Variants in STRN observed in about 807,000 individuals in gnomAD.
STRN encodes the protein protein phosphatase 2 regulatory subunit B'''alpha.
Under a neutral mutation model 96.3 loss-of-function variants are expected in STRN, and 53 were observed. The observed-to-expected ratio is 0.55, with a 90% CI of 0.44 to 0.69. STRN has a LOEUF of 0.69. STRN is among the 30% of genes least tolerant of loss of function. STRN has a pLI of 0.00. For synonymous variants in STRN, 428 were observed against 355.9 expected (o/e 1.20, Z -2.28); for missense variants, 987 against 963.9 (o/e 1.02, Z -0.32).
intron 11 of STRN, among the ~76,000 whole-genome samples, chr2:36,868,518 G>T (rs1572633975): frequency 6.6e-6 from 1 of 152,144 alleles, no homozygotes; most frequent in Non-Finnish European, 1.5e-5. Flanking sequence ...TGGATTTAAA[G>T]TCACGTACTT....
chr2:36,916,220 G>A, intron 2 of STRN, 69 bp from the exon 3 acceptor site: 7 of 1,337,542 alleles, frequency 5.2e-6, no homozygotes, highest in Non-Finnish European at 7.4e-6. Flanking sequence ...AATAGTAGTA[G>A]TCACAAGAAT....
At chr2:36,860,450 A>T (rs1038957402) in intron 13 of STRN, among the ~76,000 whole-genome samples, 3 of 152,168 alleles carry the variant, frequency 2.0e-5, no homozygotes, top group Non-Finnish European at 4.4e-5. Context: ...TCTTATCCTT[A>T]CTCTGGTTTG....
At chr2:36,951,906 G>C (rs73924952) in intron 1 of STRN, among the ~76,000 whole-genome samples, 7,647 of 152,300 alleles carry the variant, frequency 0.05, 294 homozygotes, top group East Asian at 0.12. Context: ...TCCGCTTCCT[G>C]TCAGATCAGA....
chr2:36,926,655 T>C (rs1170240901), intron 1 of STRN, among the ~76,000 whole-genome samples: 2 of 152,314 alleles, frequency 1.3e-5, no homozygotes, highest in Non-Finnish European at 2.9e-5. Context: ...ACTTTCAAAA[T>C]GTAGGTAGTT....
intron 11 of STRN, 29 bp downstream of exon 11, chr2:36,869,525 C>T (rs372253599): frequency 3.5e-5 from 51 of 1,442,816 alleles, no homozygotes; most frequent in Non-Finnish European, 4.7e-5. Flanking sequence ...TTAAAATATT[C>T]AAATAATGTT....
rs1232723543 is a variant in STRN at position 36,842,045 on chromosome 2, G to T, written c.*7411C>A. ...ATTACTTTTGCTCTAAGTTAATTTT[G>T]TTTATGCATGAAAAATTATTGTCTT... On this transcript the variant is annotated 3_prime_UTR_variant, in exon 18 of 18. Transcript: ENST00000263918. 2 of 152,148 alleles carry T rather than the reference G, an allele frequency of 1.3e-5. No homozygotes were observed. Among genetic ancestry groups the T allele is most frequent in the South Asian group, 2.1e-4 (1 of 4,824 alleles). The allele number at this position is 152,148 out of a possible 1,614,324, so 9.4% of individuals were successfully genotyped here. A position where few individuals can be genotyped will look rare whatever the true frequency, so the allele number is the denominator to read the frequency against.
intron 3 of STRN, among the ~76,000 whole-genome samples, chr2:36,911,622 C>T (rs1669967515): frequency 6.6e-6 from 1 of 152,184 alleles, no homozygotes; most frequent in Non-Finnish European, 1.5e-5. Context: ...TGCTCTAGAC[C>T]AGAATCTACC....
intron 1 of STRN, among the ~76,000 whole-genome samples, chr2:36,950,362 C>T (rs931028005): frequency 7.9e-5 from 12 of 151,876 alleles, no homozygotes; most frequent in African/African-American, 2.2e-4. Flanking sequence ...ATTACAGGCA[C>T]GCGCCATCAC....
chr2:36,863,975 A>T (rs938459261), intron 12 of STRN, among the ~76,000 whole-genome samples: 1 of 152,230 alleles, frequency 6.6e-6, no homozygotes, highest in Admixed American at 6.5e-5. Flanking sequence ...ATTGGTGTGT[A>T]TAAATGGTAC....
chr2:36,935,419 A>G (rs1670677367), intron 1 of STRN, among the ~76,000 whole-genome samples: 2 of 152,228 alleles, frequency 1.3e-5, no homozygotes, highest in African/African-American at 2.4e-5. Context: ...GGCATACTTA[A>G]TATGTATCAC....
At chr2:36,866,087 T>G (rs1451815929) in intron 12 of STRN, among the ~76,000 whole-genome samples, 1 of 152,202 alleles carries the variant, frequency 6.6e-6, no homozygotes, top group East Asian at 1.9e-4. Context: ...ATTTATTTAT[T>G]TGAGACAGGG....
chr2:36,924,910 G>C (rs1670369304), intron 2 of STRN, among the ~76,000 whole-genome samples, 195 bp downstream of exon 2: 1 of 152,110 alleles, frequency 6.6e-6, no homozygotes, highest in Non-Finnish European at 1.5e-5. Context: ...TACAAAATTA[G>C]CTGGGTGTGG....
chr2:36,954,845 G>A (rs538026394), intron 1 of STRN, among the ~76,000 whole-genome samples: 2 of 152,090 alleles, frequency 1.3e-5, no homozygotes, highest in East Asian at 3.9e-4. Flanking sequence ...CACCATGTTA[G>A]CTGGGCTGGT....
intron 3 of STRN, among the ~76,000 whole-genome samples, chr2:36,913,007 T>C (rs982488672): frequency 4.6e-5 from 7 of 152,206 alleles, no homozygotes; most frequent in South Asian, 4.1e-4. Context: ...TTTATGTATA[T>C]ATAAAAAGAA....
At chr2:36,942,351 G>C (rs1445659441) in intron 1 of STRN, among the ~76,000 whole-genome samples, 1 of 152,044 alleles carries the variant, frequency 6.6e-6, no homozygotes, top group Non-Finnish European at 1.5e-5. Context: ...TTTTTCTCAT[G>C]TAAAAATGAG....
intron 1 of STRN, among the ~76,000 whole-genome samples, chr2:36,939,413 C>A (rs1670789538): frequency 6.6e-6 from 1 of 152,112 alleles, no homozygotes; most frequent in African/African-American, 2.4e-5. Flanking sequence ...CTGTGGCTTA[C>A]AAAGCACTTT....
In STRN at chr2:36,883,931, C is replaced by T. The variant is rs762720641; in HGVS notation, c.1186+1G>A. 1 of 1,368,266 alleles carries T rather than the reference C, an allele frequency of 7.3e-7. No homozygotes were observed. The highest frequency in any genetic ancestry group is 2.4e-5 in the South Asian group (1 of 42,372). The allele number at this position is 1,368,266 out of a possible 1,614,324, so 84.8% of individuals were successfully genotyped here. On this transcript the variant is annotated splice_donor_variant, in intron 9 of 17. Transcript: ENST00000263918. LOFTEE classifies it high-confidence loss of function. The stretch of plus-strand genomic sequence containing the variant: ...TGCTCCAGAGTATCTTAAATACTTA[C>T]CTTCATCTGCCCTATTAATTTCATG...
intron 1 of STRN, among the ~76,000 whole-genome samples, chr2:36,942,915 C>T (rs144298078): frequency 9.0e-4 from 137 of 152,168 alleles, no homozygotes; most frequent in African/African-American, 3.1e-3. Context: ...AGGCTGGTGT[C>T]GAACTCCTGA....
At chr2:36,853,802 T>C (rs905151756) in intron 15 of STRN, among the ~76,000 whole-genome samples, 2 of 152,124 alleles carry the variant, frequency 1.3e-5, no homozygotes, top group Admixed American at 1.3e-4. Context: ...TAACAAGGGG[T>C]AGTTCACAGT....
Sources: allele counts gnomAD v4.1 joint callset (sites outside exome capture counted in the v4.1 genomes callset), GRCh38; gene constraint gnomAD v4.1.1; transcripts MANE v1.5; gene names NCBI Gene and HGNC (gene_info 2026-07-23, HGNC 2026-07-21).